The following DYNC1I1 variants were observed in gnomAD, a reference collection of about 807,000 sequenced individuals.
DYNC1I1 encodes cytoplasmic dynein 1 intermediate chain 1.
Under a neutral mutation model 86.6 loss-of-function variants are expected in DYNC1I1, and 43 were observed. The observed-to-expected ratio is 0.50, with a 90% CI of 0.39 to 0.64. The LOEUF (loss-of-function observed/expected upper bound fraction) is 0.64. DYNC1I1 is among the 30% of genes least tolerant of loss of function. The pLI is 0.00. For synonymous variants in DYNC1I1, 262 were observed against 283.7 expected, an observed-to-expected ratio of 0.92 and a Z score of 0.77; for missense variants, 604 against 788.8, an observed-to-expected ratio of 0.77 and a Z score of 2.81.
chr7:96,079,452 C>G (rs1389809394), intron 15 of DYNC1I1, among the ~76,000 whole-genome samples: 1 of 152,158 alleles, frequency 6.6e-6, no homozygotes, highest in African/African-American at 2.4e-5. Context: ...TTATAAACTT[C>G]TAACCTTGAA....
intron 6 of DYNC1I1, among the ~76,000 whole-genome samples, chr7:95,887,488 C>G (rs1790624831): frequency 6.6e-6 from 1 of 152,076 alleles, no homozygotes. Context: ...ATTCCCCGTC[C>G]TCTTTTTAGT....
intron 10 of DYNC1I1, among the ~76,000 whole-genome samples, chr7:96,020,872 T>G (rs1001502756): frequency 2.6e-5 from 4 of 152,172 alleles, no homozygotes; most frequent in Admixed American, 2.6e-4. Context: ...GACATTATGC[T>G]AAGTGAAATA....
chr7:95,924,586 T>C (rs1791693322), intron 6 of DYNC1I1, among the ~76,000 whole-genome samples: 2 of 152,212 alleles, frequency 1.3e-5, no homozygotes, highest in African/African-American at 4.8e-5. Context: ...ATATGGCATT[T>C]TTCTGCTTCT....
intron 6 of DYNC1I1, among the ~76,000 whole-genome samples, chr7:95,973,196 G>C (rs1411065168): frequency 6.6e-6 from 1 of 152,134 alleles, no homozygotes; most frequent in African/African-American, 2.4e-5. Context: ...TTTGAAAATG[G>C]TTTCAACAGA....
chr7:95,811,092 C>T (rs945838325), intron 3 of DYNC1I1, among the ~76,000 whole-genome samples: 3 of 152,088 alleles, frequency 2.0e-5, no homozygotes, highest in Admixed American at 1.3e-4. Flanking sequence ...TCCTCTAATT[C>T]GTTCATTCCT....
chr7:96,081,079 A>AAAAAAAAAAAAAAAAAAAAG lies in DYNC1I1; in HGVS notation c.1776+595_1776+596insAAAAAAAAAAAAAAAGAAAA, dbSNP rs375715304. 1.2e-3 allele frequency among the ~76,000 whole-genome samples: 166 copies of AAAAAAAAAAAAAAAAAAAAG among 133,604 alleles called. 2 individuals carry two copies. Among genetic ancestry groups the AAAAAAAAAAAAAAAAAAAAG allele is most frequent in the African/African-American group, 2.1e-3 (69 of 33,588 alleles). The allele number at this position is 133,604 out of a possible 152,430, so 87.6% of individuals were successfully genotyped here. On this transcript the variant is annotated intron_variant, in intron 16 of 16. Coordinates refer to ENST00000447467, the MANE Select transcript of DYNC1I1 (RefSeq NM_001135556.2). The stretch of plus-strand genomic sequence containing the variant: ...AGAGACTCCATCTCAAAAAAAAAAG[A>AAAAAAAAAAAAAAAAAAAAG]AAAAGAAAAGAAAAGAAAAGTTTGC...
rs141424079 is a variant in DYNC1I1 at position 96,089,857 on chromosome 7, C to T, written c.1777-7626C>T. Among the ~76,000 whole-genome samples, 1,292 of 152,146 alleles carry T rather than the reference C, an allele frequency of 8.5e-3. 12 individuals carry two copies. The highest frequency in any genetic ancestry group is 0.013 in the Non-Finnish European group (876 of 67,968). The stretch of plus-strand genomic sequence containing the variant: ...CTTCTTTTTGTCAAAACTGCTTAGA[C>T]GCAGTGGTTGCTAAGAATTTATTAG... On this transcript the variant is annotated intron_variant, in intron 16 of 16. Coordinates refer to ENST00000447467, the MANE Select transcript of DYNC1I1 (RefSeq NM_001135556.2).
intron 1 of DYNC1I1, among the ~76,000 whole-genome samples, chr7:95,794,952 A>C (rs956094854): frequency 6.6e-6 from 1 of 152,218 alleles, no homozygotes; most frequent in Non-Finnish European, 1.5e-5. Flanking sequence ...TTTTCCTCCA[A>C]AATAGTAGTT....
intron 12 of DYNC1I1, 56 bp from the exon 13 acceptor site, chr7:96,035,563 C>A: frequency 6.6e-7 from 1 of 1,514,514 alleles, no homozygotes; most frequent in Non-Finnish European, 8.8e-7. Context: ...TCCGTGCTAT[C>A]TTTGGCATGG....
chr7:96,069,854 G>A (rs965025985), intron 14 of DYNC1I1, among the ~76,000 whole-genome samples: 47 of 152,270 alleles, frequency 3.1e-4, no homozygotes, highest in South Asian at 4.1e-4. Flanking sequence ...TACTTATTTA[G>A]CAAAACTTCT....
rs188936047 is a variant in DYNC1I1 at position 95,908,701 on chromosome 7, A to T, written c.490+38703A>T. Reference sequence around the variant, plus strand: ...TTGCTCACTAGCAGCCCAGGAATCTAGGACTCCTGGTGATTTTCCCCAGCG... The same window carrying T: ...TTGCTCACTAGCAGCCCAGGAATCTTGGACTCCTGGTGATTTTCCCCAGCG... On this transcript the variant is annotated intron_variant, in intron 6 of 16. Transcript: ENST00000447467. Among the ~76,000 whole-genome samples, 5 of 152,244 alleles carry T rather than the reference A, an allele frequency of 3.3e-5. No individual in the cohort carries two copies. In the East Asian group the frequency reaches 5.8e-4, roughly 18 times the overall value.
chr7:96,041,584 T>A (rs1450491921), intron 14 of DYNC1I1, among the ~76,000 whole-genome samples: 1 of 152,146 alleles, frequency 6.6e-6, no homozygotes, highest in African/African-American at 2.4e-5. Context: ...ATCAGTACAG[T>A]GCTGTGTGAA....
rs76722139 is a variant in DYNC1I1 at position 95,840,676 on chromosome 7, G to C, written c.374+12560G>C. The stretch of plus-strand genomic sequence containing the variant: ...ACAACCACCTCTCTTAGTCTTCACA[G>C]ACTGATGTCTATAAGAGTCAATCTT... On this transcript the variant is annotated intron_variant, in intron 5 of 16. Coordinates refer to ENST00000447467, the MANE Select transcript of DYNC1I1 (RefSeq NM_001135556.2). 9.5e-3 allele frequency among the ~76,000 whole-genome samples: 1,446 copies of C among 152,276 alleles called. 18 individuals carry two copies. Among genetic ancestry groups the C allele is most frequent in the African/African-American group, 0.033 (1,351 of 41,546 alleles).
At chr7:95,820,570 T>C (rs1795051782) in intron 4 of DYNC1I1, among the ~76,000 whole-genome samples, 1 of 152,230 alleles carries the variant, frequency 6.6e-6, no homozygotes, top group African/African-American at 2.4e-5. Flanking sequence ...GAAATCTCTG[T>C]ATTCTGTCCT....
intron 16 of DYNC1I1, among the ~76,000 whole-genome samples, chr7:96,090,857 T>C (rs1018278405): frequency 1.3e-4 from 20 of 152,180 alleles, no homozygotes; most frequent in African/African-American, 4.3e-4. Context: ...CTGTAGTATA[T>C]TTACACCCTC....
intron 14 of DYNC1I1, 47 bp downstream of exon 14, chr7:96,039,468 G>C: frequency 6.2e-7 from 1 of 1,611,030 alleles, no homozygotes; most frequent in Non-Finnish European, 8.5e-7. Context: ...TAAGGGCAGA[G>C]GATGGTTTTT....
Position 96,058,698 on chromosome 7 carries a change from G to A in DYNC1I1, c.1510-17359G>A, listed in dbSNP as rs538263652. Among the ~76,000 whole-genome samples, 13 of 151,936 alleles carry A rather than the reference G, an allele frequency of 8.6e-5. 1 individual carries two copies. The highest frequency in any genetic ancestry group is 1.3e-4 in the Admixed American group (2 of 15,254). ...CGCCCAGTTTGGAGTGCAGCAGTGCGATCTCAGCTCACTGCAACCTCCACC... is the reference window on the plus strand; with the variant it reads ...CGCCCAGTTTGGAGTGCAGCAGTGCAATCTCAGCTCACTGCAACCTCCACC... On this transcript the variant is annotated intron_variant, in intron 14 of 16. Coordinates refer to ENST00000447467, the MANE Select transcript of DYNC1I1 (RefSeq NM_001135556.2).
intron 6 of DYNC1I1, among the ~76,000 whole-genome samples, chr7:95,940,585 C>T (rs6959228): frequency 0.079 from 11,976 of 152,182 alleles, 903 homozygotes; most frequent in African/African-American, 0.2. Context: ...TCCAGTTGAT[C>T]GCATCAGCTC....
Position 96,097,598 on chromosome 7 carries a change from A to G in DYNC1I1, c.*5A>G. 1 of 1,613,412 alleles carries G rather than the reference A, an allele frequency of 6.2e-7. No homozygotes were observed. The highest frequency in any genetic ancestry group is 8.5e-7 in the Non-Finnish European group (1 of 1,179,602). Reference sequence around the variant, plus strand: ...ACTGTTGAGTTATCTGCCTAGTGGAAATGAGCCACCCCCACTGCAGCCCCC... The same window carrying G: ...ACTGTTGAGTTATCTGCCTAGTGGAGATGAGCCACCCCCACTGCAGCCCCC... On this transcript the variant is annotated 3_prime_UTR_variant, in exon 17 of 17. Transcript: ENST00000447467.
Sources: allele counts gnomAD v4.1 joint callset (sites outside exome capture counted in the v4.1 genomes callset), GRCh38; gene constraint gnomAD v4.1.1; transcripts MANE v1.5; gene names NCBI Gene and HGNC (gene_info 2026-07-23, HGNC 2026-07-21).